DENND1A: variants seen among roughly 807,000 people sequenced by gnomAD.
DENND1A encodes DENN domain-containing protein 1A.
In DENND1A, 51 loss-of-function variants were observed where a neutral mutation model predicts 113.7. The ratio of observed to expected loss-of-function variants is 0.45; its 90% CI spans 0.36 to 0.57. The LOEUF is 0.57. Ranked by LOEUF, DENND1A falls within the 20% of genes least tolerant of loss-of-function variation. The pLI is 0.00. For missense variants in DENND1A, 1,258 were observed against 1,395.9 expected, an observed-to-expected ratio of 0.90 and a Z score of 1.57; for synonymous variants, 565 against 570.8, an observed-to-expected ratio of 0.99 and a Z score of 0.14.
chr9:123,506,541 C>G (rs371317108), intron 13 of DENND1A, among the ~76,000 whole-genome samples: 1 of 113,420 alleles, frequency 8.8e-6, no homozygotes, highest in East Asian at 3.1e-4. Context: ...GAGATCGTGC[C>G]ATTGCACTCC....
intron 5 of DENND1A, among the ~76,000 whole-genome samples, chr9:123,718,922 C>T (rs377165625): frequency 1.7e-4 from 26 of 152,244 alleles, no homozygotes; most frequent in South Asian, 1.7e-3. Context: ...GGGATGGACC[C>T]GGTGGGAGAT....
intron 2 of DENND1A, among the ~76,000 whole-genome samples, chr9:123,846,221 G>A (rs1842599526): frequency 6.6e-6 from 1 of 152,186 alleles, no homozygotes; most frequent in Non-Finnish European, 1.5e-5. Flanking sequence ...TAGAGAAACT[G>A]GAACCTTACA....
intron 10 of DENND1A, among the ~76,000 whole-genome samples, chr9:123,616,681 G>A (rs1225449870): frequency 2.0e-5 from 3 of 152,166 alleles, no homozygotes; most frequent in African/African-American, 7.2e-5. Context: ...ACCCAAAAGG[G>A]AAACAAGACT....
At chr9:123,384,448 T>G (rs769948740) in intron 22 of DENND1A, among the ~76,000 whole-genome samples, 3 of 152,220 alleles carry the variant, frequency 2.0e-5, no homozygotes, top group Non-Finnish European at 4.4e-5. Flanking sequence ...GGTCATGCTA[T>G]TTCTTGCTGT....
intron 1 of DENND1A, among the ~76,000 whole-genome samples, chr9:123,919,529 TG>T (rs1399844681): frequency 1.3e-5 from 2 of 151,680 alleles, no homozygotes; most frequent in South Asian, 2.1e-4. Context: ...GAAAATGTTA[TG>T]TTTTTTAAAA....
intron 4 of DENND1A, among the ~76,000 whole-genome samples, chr9:123,766,383 A>G (rs1828819896): frequency 6.6e-6 from 1 of 152,112 alleles, no homozygotes; most frequent in African/African-American, 2.4e-5. Context: ...GTTATCCCCC[A>G]TATTACCCAA....
chr9:123,614,825 C>A (rs895128282), intron 10 of DENND1A, among the ~76,000 whole-genome samples: 1 of 152,188 alleles, frequency 6.6e-6, no homozygotes, highest in Non-Finnish European at 1.5e-5. Context: ...TAATTAAATA[C>A]CCTGATCAGG....
At chr9:123,410,638 C>T (rs900456110) in intron 20 of DENND1A, among the ~76,000 whole-genome samples, 2 of 152,234 alleles carry the variant, frequency 1.3e-5, no homozygotes, top group Non-Finnish European at 2.9e-5. Context: ...ACCCAGAGAG[C>T]AGCTACCCAG....
intron 5 of DENND1A, among the ~76,000 whole-genome samples, chr9:123,731,188 T>C (rs576597842): frequency 6.6e-6 from 1 of 152,232 alleles, no homozygotes; most frequent in East Asian, 1.9e-4. Context: ...CAAACCACCA[T>C]GGCACGTGTA....
intron 15 of DENND1A, among the ~76,000 whole-genome samples, chr9:123,455,320 C>G (rs1459324066): frequency 2.0e-5 from 3 of 152,238 alleles, no homozygotes; most frequent in African/African-American, 7.2e-5. Flanking sequence ...CCGTGCCACT[C>G]TCCTCCAGTC....
intron 9 of DENND1A, among the ~76,000 whole-genome samples, chr9:123,636,163 T>C (rs2061688238): frequency 6.6e-6 from 1 of 152,144 alleles, no homozygotes; most frequent in Admixed American, 6.5e-5. Flanking sequence ...CCACCACTTT[T>C]AGGTCACCCC....
chr9:123,860,952 C>T (rs1422842904), intron 2 of DENND1A, among the ~76,000 whole-genome samples: 1 of 152,100 alleles, frequency 6.6e-6, no homozygotes, highest in Non-Finnish European at 1.5e-5. Context: ...GTAAAGGCTG[C>T]AATTAATTTA....
At chr9:123,382,962 G>T (rs577603755) in intron 23 of DENND1A, among the ~76,000 whole-genome samples, 8 of 152,390 alleles carry the variant, frequency 5.2e-5, no homozygotes, top group African/African-American at 1.2e-4. Context: ...TGTAAGCCCG[G>T]GGGCGCGAGT....
chr9:123,694,267 A>T (rs2065369147), intron 5 of DENND1A, among the ~76,000 whole-genome samples: 1 of 152,182 alleles, frequency 6.6e-6, no homozygotes, highest in South Asian at 2.1e-4. Flanking sequence ...CTAAGAAATC[A>T]TGCCCATCCC....
chr9:123,768,248 G>A (rs1464920004), intron 4 of DENND1A, among the ~76,000 whole-genome samples: 1 of 152,160 alleles, frequency 6.6e-6, no homozygotes, highest in South Asian at 2.1e-4. Flanking sequence ...AAAATAAAAT[G>A]TTAGAACCAG....
At chr9:123,694,610 T>C (rs891472050) in intron 5 of DENND1A, among the ~76,000 whole-genome samples, 2 of 152,206 alleles carry the variant, frequency 1.3e-5, no homozygotes, top group Non-Finnish European at 2.9e-5. Context: ...CAAAAGTACA[T>C]GGTTTCTCTT....
At position 123,446,491 on chromosome 9, in the gene DENND1A, A is replaced by G. The variant is rs532828465; in HGVS notation, c.1356+4202T>C. Reference sequence around the variant, plus strand: ...AGAAATTCAAGCCTCTGTGAAACCAACTGTGAATTTGCTCCTTTCAATCAC... The same window carrying G: ...AGAAATTCAAGCCTCTGTGAAACCAGCTGTGAATTTGCTCCTTTCAATCAC... On this transcript the variant is annotated intron_variant, in intron 18 of 23. Transcript: ENST00000394215. Among the ~76,000 whole-genome samples, 3 of 152,310 alleles carry G rather than the reference A, an allele frequency of 2.0e-5. 1 individual carries two copies. The highest frequency in any genetic ancestry group is 7.2e-5 in the African/African-American group (3 of 41,566).
At chr9:123,916,086 A>G (rs1855059545) in intron 1 of DENND1A, among the ~76,000 whole-genome samples, 1 of 152,018 alleles carries the variant, frequency 6.6e-6, no homozygotes, top group African/African-American at 2.4e-5. Flanking sequence ...ACACAAGACT[A>G]TTCATTACTG....
chr9:123,892,195 G>A (rs1183580702), intron 1 of DENND1A, among the ~76,000 whole-genome samples: 3 of 152,240 alleles, frequency 2.0e-5, no homozygotes, highest in Non-Finnish European at 2.9e-5. Flanking sequence ...TACAGGTGCA[G>A]TAGCTGGTAC....
Sources: gnomAD v4.1 joint callset for allele counts (sites outside exome capture counted in the v4.1 genomes callset) on GRCh38, gnomAD v4.1.1 for gene constraint, MANE v1.5 for transcripts, NCBI Gene and HGNC (gene_info 2026-07-23, HGNC 2026-07-21) for gene names.